The following CEACAM21 variants were observed in gnomAD, a reference collection of about 807,000 sequenced individuals.
CEACAM21 encodes the protein cell adhesion molecule CEACAM21.
CEACAM21 carries 38 observed loss-of-function variants against 33.2 expected under a neutral mutation model. The observed-to-expected ratio is 1.14, with a 90% CI of 0.88 to 1.50. The LOEUF (loss-of-function observed/expected upper bound fraction) is 1.50. CEACAM21 is among the 40% of genes most tolerant of loss of function. CEACAM21 has a pLI of 0.00. For missense variants in CEACAM21, 385 were observed against 364.6 expected (o/e 1.06, Z -0.46); for synonymous variants, 156 against 143.0 (o/e 1.09, Z -0.65).
chr19:41,554,371 G>A (rs1181910996), intron 1 of CEACAM21, among the ~76,000 whole-genome samples: 1 of 151,916 alleles, frequency 6.6e-6, no homozygotes, highest in Non-Finnish European at 1.5e-5. Context: ...CATAGTCAAA[G>A]ACACAATTGA....
chr19:41,584,059 G>A (rs2070521080), intron 3 of CEACAM21, among the ~76,000 whole-genome samples: 2 of 152,174 alleles, frequency 1.3e-5, no homozygotes, highest in African/African-American at 4.8e-5. Context: ...AGGGGGAAGA[G>A]GAGTGATGTG....
intron 1 of CEACAM21, among the ~76,000 whole-genome samples, chr19:41,555,864 T>C (rs1336960128): frequency 6.6e-6 from 1 of 152,204 alleles, no homozygotes; most frequent in African/African-American, 2.4e-5. Flanking sequence ...CAACCATTTA[T>C]TGCAACGGCT....
At position 41,576,346 on chromosome 19, in the gene CEACAM21, G is replaced by A. The variant is rs1165403491; in HGVS notation, c.64+8G>A. On this transcript the variant is annotated splice_region_variant and intron_variant, in intron 1 of 6. Coordinates refer to ENST00000401445, the MANE Select transcript of CEACAM21 (RefSeq NM_001098506.4). The stretch of plus-strand genomic sequence containing the variant: ...AGGGGCTCTTGCTCACAGGTGAGGG[G>A]AGGACTCCCTGGGAGTGGGTGGGAG... 7 of 1,608,184 alleles carry A rather than the reference G, an allele frequency of 4.4e-6. No homozygotes were observed. The highest frequency in any genetic ancestry group is 5.1e-6 in the Non-Finnish European group (6 of 1,176,852).
chr19:41,566,491 A>G (rs2122191886), intron 2 of CEACAM21, among the ~76,000 whole-genome samples: 2 of 152,290 alleles, frequency 1.3e-5, no homozygotes, highest in Middle Eastern at 3.4e-3. Flanking sequence ...TGATGTTGAA[A>G]CATACTTGCA....
chr19:41,585,642 C>A, intron 5 of CEACAM21, 147 bp downstream of exon 5: 1 of 1,082,924 alleles, frequency 9.2e-7, no homozygotes, highest in Non-Finnish European at 1.4e-6. Context: ...GAAACCCCAA[C>A]TGGCCGGGTC....
At chr19:41,569,234 C>G (rs1238318098) in intron 2 of CEACAM21, among the ~76,000 whole-genome samples, 1 of 150,008 alleles carries the variant, frequency 6.7e-6, no homozygotes, top group Non-Finnish European at 1.5e-5. Context: ...TTTTTTGAGA[C>G]AGGGTCTCGC....
chr19:41,561,310 TA>T (rs1197205433), intron 1 of CEACAM21, among the ~76,000 whole-genome samples: 8 of 151,768 alleles, frequency 5.3e-5, no homozygotes, highest in East Asian at 1.9e-4. Context: ...AAAGTGCAAT[TA>T]AAAAAAATTT....
At chr19:41,568,613 T>G (rs2042411995) in intron 2 of CEACAM21, among the ~76,000 whole-genome samples, 1 of 152,218 alleles carries the variant, frequency 6.6e-6, no homozygotes, top group African/African-American at 2.4e-5. Context: ...TGGGTTTATT[T>G]CTGGGATTTT....
exon 2 of CEACAM21, chr19:41,565,034 G>C (rs1423650334): frequency 6.6e-6 from 1 of 152,344 alleles, no homozygotes; most frequent in Non-Finnish European, 1.5e-5. Flanking sequence ...AGGAATAACC[G>C]GACCGACCCC....
At chr19:41,557,197 G>A (rs1320205050) in intron 1 of CEACAM21, among the ~76,000 whole-genome samples, 1 of 152,096 alleles carries the variant, frequency 6.6e-6, no homozygotes, top group African/African-American at 2.4e-5. Context: ...CCCAGAATTC[G>A]GCTAAGATAG....
chr19:41,555,856 A>G lies in CEACAM21; in HGVS notation c.-779+6304A>G, dbSNP rs2041494347. Reference sequence around the variant, plus strand: ...AAACAAGGAGCCCCCTGCAATCACAACCATTTATTGCAACGGCTCTCAGCC... The same window carrying G: ...AAACAAGGAGCCCCCTGCAATCACAGCCATTTATTGCAACGGCTCTCAGCC... On this transcript the variant is annotated intron_variant, in intron 1 of 7. Transcript: ENST00000407170. 2.0e-5 allele frequency among the ~76,000 whole-genome samples: 3 copies of G among 152,132 alleles called. No individual in the cohort carries two copies. The South Asian group carries it at 6.2e-4, about 32-fold the overall frequency.
intron 1 of CEACAM21, among the ~76,000 whole-genome samples, chr19:41,554,166 A>G (rs2041397773): frequency 6.6e-6 from 1 of 152,054 alleles, no homozygotes; most frequent in African/African-American, 2.4e-5. Context: ...GTCCTGCTTG[A>G]TATCAATGAA....
upstream of CEACAM21, among the ~76,000 whole-genome samples, chr19:41,573,014 C>A (rs561711793): frequency 6.6e-6 from 1 of 152,268 alleles, no homozygotes; most frequent in South Asian, 2.1e-4. Context: ...GAGGAGGATC[C>A]AGACCCCTGT....
At chr19:41,560,967 A>C (rs2041847743) in intron 1 of CEACAM21, among the ~76,000 whole-genome samples, 1 of 152,248 alleles carries the variant, frequency 6.6e-6, no homozygotes, top group Non-Finnish European at 1.5e-5. Flanking sequence ...GCCTTGCAGC[A>C]AGACAAAAAT....
chr19:41,556,383 G>A (rs994056636), intron 1 of CEACAM21, among the ~76,000 whole-genome samples: 4 of 152,166 alleles, frequency 2.6e-5, no homozygotes, highest in East Asian at 1.9e-4. Context: ...TTTCTAAAAC[G>A]GAGTTTCACT....
intron 1 of CEACAM21, among the ~76,000 whole-genome samples, chr19:41,562,776 T>C (rs2041973162): frequency 6.6e-6 from 1 of 152,060 alleles, no homozygotes; most frequent in Non-Finnish European, 1.5e-5. Flanking sequence ...TCGCCCAGGC[T>C]GGAGTGCAGT....
chr19:41,584,366 C>T lies in CEACAM21; in HGVS notation c.720C>T (p.Gly240=). 6.2e-7 allele frequency: 1 copy of T among 1,611,600 alleles called. No individual in the cohort carries two copies. Among genetic ancestry groups the T allele is most frequent in the Non-Finnish European group, 8.5e-7 (1 of 1,178,750 alleles). The change falls in exon 4 of 7, where the codon GGC becomes GGT. Residue 240 remains glycine, a synonymous_variant. Transcript: ENST00000401445. ...TTTCAGCAGATGACAACACTCTAGG[C>T]ATCCTGATCGGGGTCCTGGTTGGGA... ...LTVKSDDNTL[G]ILIGVLVGSL... is the part of the protein sequence containing the mutation.
chr19:41,584,824 G>T (rs1427076327), intron 4 of CEACAM21, among the ~76,000 whole-genome samples: 1 of 152,198 alleles, frequency 6.6e-6, no homozygotes, highest in Non-Finnish European at 1.5e-5. Context: ...ACATAGTGGA[G>T]ACTGGAACAG....
intron 2 of CEACAM21, among the ~76,000 whole-genome samples, chr19:41,565,989 G>A (rs965860175): frequency 5.3e-5 from 8 of 151,894 alleles, no homozygotes; most frequent in African/African-American, 1.9e-4. Context: ...GGGTTCTGGA[G>A]GATTGATGGC....
Sources: gnomAD v4.1 joint callset for allele counts (sites outside exome capture counted in the v4.1 genomes callset) on GRCh38, gnomAD v4.1.1 for gene constraint, MANE v1.5 for transcripts, NCBI Gene and HGNC (gene_info 2026-07-23, HGNC 2026-07-21) for gene names.